LAMA2: variants seen among roughly 807,000 people sequenced by gnomAD.
LAMA2 encodes laminin subunit alpha 2.
LAMA2 carries 269 observed loss-of-function variants against 364.8 expected under a neutral mutation model. That is an observed-to-expected ratio of 0.74 (90% CI 0.67 to 0.82). The LOEUF (loss-of-function observed/expected upper bound fraction) is 0.82, where lower values mean the gene tolerates loss of function less well. Among genes scored for constraint, LAMA2 ranks in the 40% least tolerant of loss-of-function variants. The pLI is 0.00. For missense variants in LAMA2, 3,807 were observed against 3,873.2 expected, an observed-to-expected ratio of 0.98 and a Z score of 0.45; for synonymous variants, 1,379 against 1,370.6, an observed-to-expected ratio of 1.01 and a Z score of -0.14.
At chr6:129,352,023 A>G (rs1341217949) in intron 31 of LAMA2, among the ~76,000 whole-genome samples, 2 of 152,204 alleles carry the variant, frequency 1.3e-5, no homozygotes, top group Admixed American at 6.5e-5. Flanking sequence ...CAGTATTTAT[A>G]GCTTTTGGCT....
intron 3 of LAMA2, among the ~76,000 whole-genome samples, chr6:129,068,117 A>C (rs1416671303): frequency 6.6e-6 from 1 of 152,184 alleles, no homozygotes; most frequent in Non-Finnish European, 1.5e-5. Context: ...GGAAGCATTC[A>C]ATGTGTTTGT....
At chr6:129,047,055 A>T (rs188839199) in intron 1 of LAMA2, among the ~76,000 whole-genome samples, 114 of 152,360 alleles carry the variant, frequency 7.5e-4, no homozygotes, top group African/African-American at 2.6e-3. Flanking sequence ...ATCGCATATC[A>T]TTTATTAACC....
intron 46 of LAMA2, 37 bp from the exon 47 acceptor site, chr6:129,454,118 A>C (rs1240394349): frequency 2.5e-6 from 4 of 1,595,968 alleles, no homozygotes; most frequent in Non-Finnish European, 3.4e-6. Context: ...GGTGCTTTAT[A>C]TCTGATATCT....
intron 1 of LAMA2, among the ~76,000 whole-genome samples, chr6:128,888,963 A>T (rs1776296910): frequency 6.6e-6 from 1 of 152,224 alleles, no homozygotes; most frequent in Non-Finnish European, 1.5e-5. Context: ...GTGATTCTAC[A>T]TTCAAGAGCA....
chr6:129,112,062 G>A (rs368216086), intron 4 of LAMA2, among the ~76,000 whole-genome samples: 1 of 151,356 alleles, frequency 6.6e-6, no homozygotes, highest in East Asian at 2.0e-4. Context: ...TGTATCTGGA[G>A]TGACAGTTGA....
chr6:129,297,757 T>C lies in LAMA2; in HGVS notation c.2929T>C (p.Phe977Leu). 1 of 1,614,158 alleles carries C rather than the reference T, an allele frequency of 6.2e-7. No homozygotes were observed. The highest frequency in any genetic ancestry group is 8.5e-7 in the Non-Finnish European group (1 of 1,179,988). ...CTGCAATTCTTTTGGGTCTAAGTCATTCGACTGTGAAGAGAGTGGACAATG... is the reference window on the plus strand; with the variant it reads ...CTGCAATTCTTTTGGGTCTAAGTCACTCGACTGTGAAGAGAGTGGACAATG... ...CNCNSFGSKS[F>L]DCEESGQCWC... Residue 977 changes from phenylalanine (F) to leucine (L), a missense_variant, in exon 21 of 65, where the codon TTC (phenylalanine) becomes CTC (leucine). Coordinates refer to ENST00000421865, the MANE Select transcript of LAMA2 (RefSeq NM_000426.4).
chr6:129,497,901 C>T (rs189907847), intron 58 of LAMA2, among the ~76,000 whole-genome samples: 1 of 152,164 alleles, frequency 6.6e-6, no homozygotes, highest in Non-Finnish European at 1.5e-5. Flanking sequence ...TTATACTTCT[C>T]TCTTATTCTT....
intron 52 of LAMA2, 120 bp downstream of exon 52, chr6:129,473,472 C>A: frequency 1.1e-6 from 1 of 944,200 alleles, no homozygotes; most frequent in Non-Finnish European, 1.6e-6. Context: ...TGCAGAAAGG[C>A]CTAATCAAAA....
rs190640064 is a variant in LAMA2 at position 129,035,138 on chromosome 6, C to T, written c.113-14780C>T. ...CATTCCCTTTTCTCTGCAACCTCAC[C>T]GATATCTAATATTTTTTGACTTTTT... On this transcript the variant is annotated intron_variant, in intron 1 of 64. Transcript: ENST00000421865. Among the ~76,000 whole-genome samples, 287 of 152,174 alleles carry T rather than the reference C, an allele frequency of 1.9e-3. 2 individuals carry two copies. Among genetic ancestry groups the T allele is most frequent in the African/African-American group, 6.3e-3 (262 of 41,540 alleles).
intron 12 of LAMA2, among the ~76,000 whole-genome samples, chr6:129,246,816 T>A (rs1785783878): frequency 6.6e-6 from 1 of 150,962 alleles, no homozygotes; most frequent in Non-Finnish European, 1.5e-5. Flanking sequence ...CATGGAGGAG[T>A]GGACAGATGG....
intron 20 of LAMA2, among the ~76,000 whole-genome samples, chr6:129,294,756 T>C (rs375289887): frequency 6.6e-6 from 1 of 152,140 alleles, no homozygotes; most frequent in African/African-American, 2.4e-5. Context: ...ATGAGGCGCC[T>C]CCAAGGCTGT....
At chr6:128,985,728 A>G (rs575609710) in intron 1 of LAMA2, among the ~76,000 whole-genome samples, 9 of 152,252 alleles carry the variant, frequency 5.9e-5, no homozygotes, top group African/African-American at 1.7e-4. Flanking sequence ...TCCCACTGGA[A>G]TATTTTGAAG....
intron 3 of LAMA2, among the ~76,000 whole-genome samples, chr6:129,093,461 TG>T (rs895169545): frequency 2.6e-5 from 4 of 152,156 alleles, no homozygotes; most frequent in African/African-American, 9.7e-5. Context: ...TGAGGTCTCC[TG>T]AACACTGGTA....
intron 5 of LAMA2, among the ~76,000 whole-genome samples, chr6:129,146,599 G>A (rs1562275492): frequency 6.6e-6 from 1 of 152,028 alleles, no homozygotes; most frequent in African/African-American, 2.4e-5. Context: ...CACAATAAAA[G>A]AGGGTTTCTT....
intron 4 of LAMA2, among the ~76,000 whole-genome samples, chr6:129,107,382 G>A (rs1775891973): frequency 6.6e-6 from 1 of 151,974 alleles, no homozygotes; most frequent in South Asian, 2.1e-4. Flanking sequence ...TGAAATGACT[G>A]AGCTGGCTCA....
At chr6:129,445,968 G>A in intron 45 of LAMA2, 147 bp downstream of exon 45, 3 of 704,840 alleles carry the variant, frequency 4.3e-6, no homozygotes, top group Non-Finnish European at 7.4e-6. Context: ...AGGGGTTGGA[G>A]TGGGGGAGAG....
intron 34 of LAMA2, among the ~76,000 whole-genome samples, chr6:129,371,771 T>C (rs1364939772): frequency 6.6e-6 from 1 of 151,916 alleles, no homozygotes; most frequent in Non-Finnish European, 1.5e-5. Flanking sequence ...CACACCTGGC[T>C]AATTTTTTTT....
intron 60 of LAMA2, among the ~76,000 whole-genome samples, chr6:129,504,735 T>C (rs1442309271): frequency 1.3e-5 from 2 of 152,258 alleles, no homozygotes. Flanking sequence ...CTTTCTTTAA[T>C]TCTGCACAAG....
chr6:129,223,459 G>T (rs1784021842), intron 12 of LAMA2, among the ~76,000 whole-genome samples: 1 of 152,054 alleles, frequency 6.6e-6, no homozygotes, highest in Non-Finnish European at 1.5e-5. Context: ...TTTCTTCTAG[G>T]GTTTTTATGG....
Sources: gnomAD v4.1 joint callset for allele counts (sites outside exome capture counted in the v4.1 genomes callset) on GRCh38, gnomAD v4.1.1 for gene constraint, MANE v1.5 for transcripts, NCBI Gene and HGNC (gene_info 2026-07-23, HGNC 2026-07-21) for gene names.